Variants in TACR1 observed in about 807,000 individuals in gnomAD.
TACR1 encodes the protein tachykinin receptor 1.
A neutral mutation model predicts 35.8 loss-of-function variants in TACR1; 25 were observed. The observed-to-expected ratio is 0.70, with a 90% CI of 0.51 to 0.98. TACR1 has a LOEUF of 0.98. Ranked by LOEUF, TACR1 falls within the 50% of genes least tolerant of loss-of-function variation. The probability of loss-of-function intolerance (pLI) is 0.00; values close to 1 mark genes in which losing one functional copy is unlikely to be tolerated. For missense variants in TACR1, 478 were observed against 522.9 expected (o/e 0.91, Z 0.84); for synonymous variants, 195 against 206.7 (o/e 0.94, Z 0.48).
chr2:75,072,911 G>C (rs1241296437), intron 2 of TACR1, among the ~76,000 whole-genome samples: 2 of 152,068 alleles, frequency 1.3e-5, no homozygotes, highest in African/African-American at 4.8e-5. Flanking sequence ...ATTTTTTTCA[G>C]TCTCTTATTC....
intron 1 of TACR1, among the ~76,000 whole-genome samples, chr2:75,133,941 T>A (rs966742293): frequency 6.6e-6 from 1 of 152,112 alleles, no homozygotes; most frequent in Admixed American, 6.5e-5. Flanking sequence ...CAAACCAAGA[T>A]GGCGAAGAGA....
chr2:75,195,118 C>T (rs1425119126), intron 1 of TACR1, among the ~76,000 whole-genome samples: 1 of 152,062 alleles, frequency 6.6e-6, no homozygotes, highest in Non-Finnish European at 1.5e-5. Flanking sequence ...TCATACATAC[C>T]TTTTAGTTTT....
chr2:75,183,577 G>C (rs1393065835), intron 1 of TACR1, among the ~76,000 whole-genome samples: 1 of 152,162 alleles, frequency 6.6e-6, no homozygotes, highest in Non-Finnish European at 1.5e-5. Flanking sequence ...TGGGGAAACC[G>C]TGTACTACGG....
chr2:75,191,646 G>T (rs555693365), intron 1 of TACR1, among the ~76,000 whole-genome samples: 154 of 152,182 alleles, frequency 1.0e-3, no homozygotes, highest in Non-Finnish European at 1.9e-3. Flanking sequence ...TAGAACGGGG[G>T]TTCTGAATCA....
At chr2:75,178,623 A>G (rs1016683429) in intron 1 of TACR1, among the ~76,000 whole-genome samples, 1 of 151,944 alleles carries the variant, frequency 6.6e-6, no homozygotes, top group African/African-American at 2.4e-5. Context: ...TTCTCCCCTC[A>G]CATTCTTCTG....
Position 75,199,241 on chromosome 2 carries a change from C to G in TACR1, c.-307G>C. 1 of 330,484 alleles carries G rather than the reference C, an allele frequency of 3.0e-6. No individual in the cohort carries two copies. The allele number at this position is 330,484 out of a possible 1,614,324, so 20.5% of individuals were successfully genotyped here. On this transcript the variant is annotated 5_prime_UTR_variant, in exon 1 of 5. Transcript: ENST00000305249. Reference sequence around the variant, plus strand: ...ACTGAAAAAGGGAAAGAAATTCCACCGGTCACAGTTCTAGGAAGCAAGAGA... The same window carrying G: ...ACTGAAAAAGGGAAAGAAATTCCACGGGTCACAGTTCTAGGAAGCAAGAGA...
intron 1 of TACR1, among the ~76,000 whole-genome samples, chr2:75,192,260 A>ACCAGAG (rs112993017): frequency 0.19 from 29,552 of 151,786 alleles, 4,459 homozygotes; most frequent in African/African-American, 0.42. Context: ...GGGACAGTTA[A>ACCAGAG]CCAGAGCTGG....
At chr2:75,165,035 T>C (rs919511624) in intron 1 of TACR1, among the ~76,000 whole-genome samples, 1 of 152,178 alleles carries the variant, frequency 6.6e-6, no homozygotes, top group Non-Finnish European at 1.5e-5. Context: ...GGACCCAGCA[T>C]GAGCAGGAGC....
chr2:75,108,336 A>G (rs1301898091), intron 2 of TACR1, among the ~76,000 whole-genome samples: 3 of 152,196 alleles, frequency 2.0e-5, no homozygotes, highest in South Asian at 2.1e-4. Context: ...TTCAAGAGAC[A>G]CAGGGAATAG....
At chr2:75,104,225 G>T (rs143023105) in intron 2 of TACR1, among the ~76,000 whole-genome samples, 8 of 151,820 alleles carry the variant, frequency 5.3e-5, no homozygotes, top group African/African-American at 1.9e-4. Context: ...AAAAAGATAC[G>T]CCATCCAAAC....
intron 1 of TACR1, among the ~76,000 whole-genome samples, chr2:75,129,447 C>T (rs558932306): frequency 6.6e-6 from 1 of 152,252 alleles, no homozygotes; most frequent in South Asian, 2.1e-4. Context: ...TTTCTTTTAG[C>T]TATTTGAAAA....
At chr2:75,189,757 A>G (rs1675798462) in intron 1 of TACR1, 1 of 152,220 alleles carries the variant, frequency 6.6e-6, no homozygotes, top group Non-Finnish European at 1.5e-5. Flanking sequence ...TGTTTCTTCT[A>G]TTTGTAAGTC....
intron 2 of TACR1, among the ~76,000 whole-genome samples, chr2:75,074,965 G>A (rs988056792): frequency 6.6e-6 from 1 of 152,158 alleles, no homozygotes; most frequent in Non-Finnish European, 1.5e-5. Flanking sequence ...AGGATGGTTG[G>A]TCACTTTAGA....
intron 2 of TACR1, among the ~76,000 whole-genome samples, chr2:75,073,219 G>A (rs922115969): frequency 9.2e-5 from 14 of 152,216 alleles, no homozygotes; most frequent in African/African-American, 2.4e-4. Flanking sequence ...CCTGATTGGA[G>A]CTTTAGGTGT....
At chr2:75,119,467 T>C (rs895083204) in intron 2 of TACR1, among the ~76,000 whole-genome samples, 5 of 152,208 alleles carry the variant, frequency 3.3e-5, no homozygotes, top group African/African-American at 1.2e-4. Flanking sequence ...TGGAGAATTA[T>C]AGAGGGCTTT....
chr2:75,066,739 C>T (rs1268855003), intron 2 of TACR1, among the ~76,000 whole-genome samples: 1 of 152,330 alleles, frequency 6.6e-6, no homozygotes, highest in Non-Finnish European at 1.5e-5. Flanking sequence ...ACCATTATGC[C>T]ATGAGGCACA....
intron 1 of TACR1, among the ~76,000 whole-genome samples, chr2:75,153,180 C>T (rs180973387): frequency 1.9e-3 from 291 of 152,280 alleles, no homozygotes; most frequent in African/African-American, 6.4e-3. Flanking sequence ...GGATTACAGG[C>T]GTGAGCCACT....
chr2:75,049,253 T>C lies in TACR1; in HGVS notation c.*179A>G. On this transcript the variant is annotated 3_prime_UTR_variant, in exon 5 of 5. Coordinates refer to ENST00000305249, the MANE Select transcript of TACR1 (RefSeq NM_001058.4). ...TCACACAGCATGAGGGTGGCAAAGA[T>C]AGGGAAGAATTGAGATTTTTTGACT... 1 of 670,282 alleles carries C rather than the reference T, an allele frequency of 1.5e-6. No homozygotes were observed. The highest frequency in any genetic ancestry group is 2.5e-6 in the Non-Finnish European group (1 of 404,852). 41.5% of individuals were successfully genotyped at this position (670,282 alleles called of 1,614,324 possible).
intron 1 of TACR1, among the ~76,000 whole-genome samples, 155 bp from the exon 2 acceptor site, chr2:75,120,923 C>T (rs1673957858): frequency 6.6e-6 from 1 of 152,176 alleles, no homozygotes; most frequent in South Asian, 2.1e-4. Flanking sequence ...ATATTCTACC[C>T]TTAAGCTTTG....
Sources: allele counts gnomAD v4.1 joint callset (sites outside exome capture counted in the v4.1 genomes callset), GRCh38; gene constraint gnomAD v4.1.1; transcripts MANE v1.5; gene names NCBI Gene and HGNC (gene_info 2026-07-23, HGNC 2026-07-21).